The following MDGA2 variants were observed in gnomAD, a reference collection of about 807,000 sequenced individuals.
MDGA2 encodes MAM domain-containing glycosylphosphatidylinositol anchor protein 2.
Under a neutral mutation model 117.8 loss-of-function variants are expected in MDGA2, and 40 were observed. That is an observed-to-expected ratio of 0.34 (90% CI 0.26 to 0.44). The LOEUF (loss-of-function observed/expected upper bound fraction) is 0.44. MDGA2 is among the 20% of genes least tolerant of loss of function. MDGA2 has a pLI of 1.00. For synonymous variants in MDGA2, 452 were observed against 439.0 expected, an observed-to-expected ratio of 1.03 and a Z score of -0.37; for missense variants, 1,123 against 1,250.6, an observed-to-expected ratio of 0.90 and a Z score of 1.54.
At chr14:47,267,112 T>C (rs1442214255) in intron 2 of MDGA2, among the ~76,000 whole-genome samples, 1 of 152,144 alleles carries the variant, frequency 6.6e-6, no homozygotes, top group Non-Finnish European at 1.5e-5. Context: ...CTGGTAACAC[T>C]GTCCTTGTTA....
Position 46,845,438 on chromosome 14 carries a change from C to T in MDGA2, c.2989+328G>A, listed in dbSNP as rs752606701. On this transcript the variant is annotated intron_variant, in intron 16 of 16. Coordinates refer to ENST00000399232, the MANE Select transcript of MDGA2 (RefSeq NM_001113498.3). The stretch of plus-strand genomic sequence containing the variant: ...TAAATATGTGCTATGTATATAGGTT[C>T]ATCAAATATTTTAATACAAGTTTTT... 6.3e-4 allele frequency among the ~76,000 whole-genome samples: 96 copies of T among 152,236 alleles called. 1 individual carries two copies. The highest frequency in any genetic ancestry group is 1.1e-3 in the Non-Finnish European group (75 of 68,016).
rs142371030 is a variant in MDGA2 at position 46,895,454 on chromosome 14, G to A, written c.2239-13233C>T. Among the ~76,000 whole-genome samples the A allele has an allele frequency of 1.9e-4, 29 of 152,200 alleles. No individual in the cohort carries two copies. In the East Asian group the frequency reaches 4.8e-3, roughly 25 times the overall value. On this transcript the variant is annotated intron_variant, in intron 10 of 16. Coordinates refer to ENST00000399232, the MANE Select transcript of MDGA2 (RefSeq NM_001113498.3). ...AAGAATAACTAGGTTGGCCAGGCGCGGTGCCTCATGCCTGTAATCCCAGCA... is the reference window on the plus strand; with the variant it reads ...AAGAATAACTAGGTTGGCCAGGCGCAGTGCCTCATGCCTGTAATCCCAGCA...
chr14:46,848,677 G>A (rs1453877674), intron 15 of MDGA2, among the ~76,000 whole-genome samples: 1 of 150,950 alleles, frequency 6.6e-6, no homozygotes, highest in African/African-American at 2.4e-5. Context: ...CCAGAGCAGT[G>A]AAATTGTGAA....
At chr14:47,600,337 G>A (rs952305540) in intron 1 of MDGA2, among the ~76,000 whole-genome samples, 5 of 151,858 alleles carry the variant, frequency 3.3e-5, no homozygotes, top group African/African-American at 1.2e-4. Flanking sequence ...GAGAGGCTGA[G>A]GCATGAGAAA....
At chr14:47,227,255 T>C (rs1348945007) in intron 2 of MDGA2, among the ~76,000 whole-genome samples, 2 of 152,162 alleles carry the variant, frequency 1.3e-5, no homozygotes, top group Non-Finnish European at 2.9e-5. Context: ...CTGGGAAATC[T>C]TGGGAGTTTA....
chr14:47,484,766 C>T (rs565077553), intron 1 of MDGA2, among the ~76,000 whole-genome samples: 3 of 152,172 alleles, frequency 2.0e-5, no homozygotes, highest in South Asian at 2.1e-4. Context: ...ATGGCTCTCA[C>T]GAGAGCTGAT....
At chr14:47,421,482 C>A (rs928520926) in intron 1 of MDGA2, among the ~76,000 whole-genome samples, 4 of 108,200 alleles carry the variant, frequency 3.7e-5, no homozygotes, top group Non-Finnish European at 6.0e-5. Context: ...ATATGTGGAC[C>A]AGCTGAAAAG....
chr14:47,084,957 A>C (rs2138912075), intron 6 of MDGA2, among the ~76,000 whole-genome samples: 1 of 152,262 alleles, frequency 6.6e-6, no homozygotes, highest in Non-Finnish European at 1.5e-5. Context: ...TTCAGAATCT[A>C]AATTCTGATC....
At chr14:47,271,587 A>G (rs1278144591) in intron 2 of MDGA2, among the ~76,000 whole-genome samples, 1 of 152,132 alleles carries the variant, frequency 6.6e-6, no homozygotes, top group Non-Finnish European at 1.5e-5. Context: ...AGTAGGAATG[A>G]TAAAAGTCAG....
chr14:47,497,456 C>G (rs1172216372), intron 1 of MDGA2, among the ~76,000 whole-genome samples: 1 of 152,048 alleles, frequency 6.6e-6, no homozygotes, highest in African/African-American at 2.4e-5. Context: ...AGGGGTCTCA[C>G]CATGTTGGCC....
At chr14:47,240,019 G>T (rs971120839) in intron 2 of MDGA2, among the ~76,000 whole-genome samples, 9 of 151,648 alleles carry the variant, frequency 5.9e-5, no homozygotes, top group African/African-American at 1.9e-4. Context: ...ATAATGGAAG[G>T]ATAGACATTA....
At position 47,485,574 on chromosome 14, in the gene MDGA2, A is replaced by C. The variant is rs1419015446; in HGVS notation, c.281-184024T>G. Among the ~76,000 whole-genome samples, 3 of 152,268 alleles carry C rather than the reference A, an allele frequency of 2.0e-5. No individual in the cohort carries two copies. The East Asian group carries it at 5.8e-4, about 30-fold the overall frequency. ...ATGTTAATCCCCAAGACAATGGAGG[A>C]AATGTCTCCAGGGCATGTCACAGGT... On this transcript the variant is annotated intron_variant, in intron 1 of 16. Coordinates refer to ENST00000399232, the MANE Select transcript of MDGA2 (RefSeq NM_001113498.3).
intron 1 of MDGA2, among the ~76,000 whole-genome samples, chr14:47,540,022 CT>C (rs1250186579): frequency 4.7e-5 from 7 of 149,554 alleles, no homozygotes; most frequent in Non-Finnish European, 8.9e-5. Flanking sequence ...TTTTCTTTTT[CT>C]TTTTTTTTTG....
chr14:46,962,508 T>C (rs1885852099), intron 8 of MDGA2, among the ~76,000 whole-genome samples: 2 of 152,344 alleles, frequency 1.3e-5, no homozygotes, highest in South Asian at 4.1e-4. Context: ...AAGCTCAAAT[T>C]TGTCCATATT....
chr14:47,360,420 A>G (rs563975225), intron 1 of MDGA2, among the ~76,000 whole-genome samples: 6 of 151,740 alleles, frequency 4.0e-5, no homozygotes, highest in African/African-American at 1.2e-4. Context: ...AAAGATGTGC[A>G]AAGGATCTGA....
At chr14:47,103,051 A>G (rs1315139601) in intron 5 of MDGA2, among the ~76,000 whole-genome samples, 2 of 152,190 alleles carry the variant, frequency 1.3e-5, no homozygotes, top group African/African-American at 4.8e-5. Flanking sequence ...TATGGGTGAA[A>G]AATGAAATAA....
At chr14:47,314,409 T>C (rs1377944477) in intron 1 of MDGA2, among the ~76,000 whole-genome samples, 1 of 152,202 alleles carries the variant, frequency 6.6e-6, no homozygotes, top group Non-Finnish European at 1.5e-5. Context: ...TCAGGCACAG[T>C]GGCTCACGCC....
intron 1 of MDGA2, among the ~76,000 whole-genome samples, chr14:47,507,467 A>G (rs1399652590): frequency 6.6e-6 from 1 of 152,222 alleles, no homozygotes; most frequent in Non-Finnish European, 1.5e-5. Context: ...TAAAGAGTGT[A>G]CAAAACAGAC....
intron 1 of MDGA2, among the ~76,000 whole-genome samples, chr14:47,667,654 T>C (rs1330395969): frequency 6.6e-6 from 1 of 152,236 alleles, no homozygotes; most frequent in East Asian, 1.9e-4. Context: ...TAGCCTTTAC[T>C]TCCTACTCAC....
Sources: gnomAD v4.1 joint callset for allele counts (sites outside exome capture counted in the v4.1 genomes callset) on GRCh38, gnomAD v4.1.1 for gene constraint, MANE v1.5 for transcripts, NCBI Gene and HGNC (gene_info 2026-07-23, HGNC 2026-07-21) for gene names.